Variants in PSMA1 observed in about 807,000 individuals in gnomAD.
The protein encoded by PSMA1 is proteasome 20S subunit alpha 1, also known as proteasome subunit alpha type-1.
PSMA1 carries 3 observed loss-of-function variants against 38.4 expected under a neutral mutation model. The observed-to-expected ratio is 0.08, with a 90% CI of 0.04 to 0.20. PSMA1 has a LOEUF of 0.20. PSMA1 is among the 10% of genes least tolerant of loss of function. PSMA1 has a pLI of 1.00. For synonymous variants in PSMA1, 101 were observed against 107.1 expected (o/e 0.94, Z 0.35); for missense variants, 227 against 325.3 (o/e 0.70, Z 2.32).
intron 2 of PSMA1, among the ~76,000 whole-genome samples, chr11:14,572,111 A>G (rs1852150393): frequency 6.6e-6 from 1 of 152,238 alleles, no homozygotes; most frequent in African/African-American, 2.4e-5. Context: ...TCAACGAAAC[A>G]GAAAGTTAAC....
At chr11:14,546,804 G>A (rs1431104283) in intron 2 of PSMA1, among the ~76,000 whole-genome samples, 1 of 152,186 alleles carries the variant, frequency 6.6e-6, no homozygotes, top group Non-Finnish European at 1.5e-5. Flanking sequence ...AATGCCTGGA[G>A]AAGCAGAAAA....
At chr11:14,580,995 C>A (rs1852275474) in intron 2 of PSMA1, among the ~76,000 whole-genome samples, 1 of 152,126 alleles carries the variant, frequency 6.6e-6, no homozygotes, top group Non-Finnish European at 1.5e-5. Flanking sequence ...TAGAAAGTGT[C>A]ATACTGACAC....
intron 2 of PSMA1, among the ~76,000 whole-genome samples, chr11:14,532,473 C>CACAT (rs1851658176): frequency 1.3e-5 from 2 of 152,008 alleles, no homozygotes; most frequent in African/African-American, 2.4e-5. Flanking sequence ...GGCGTAGTGG[C>CACAT]ACATGCCTGT....
chr11:14,641,512 G>A (rs1014980663), intron 1 of PSMA1, among the ~76,000 whole-genome samples: 12 of 152,124 alleles, frequency 7.9e-5, no homozygotes, highest in Admixed American at 2.6e-4. Flanking sequence ...CTTTGGTCAC[G>A]TCCTTACACT....
chr11:14,590,967 G>A (rs1282184878), intron 2 of PSMA1, among the ~76,000 whole-genome samples: 1 of 152,250 alleles, frequency 6.6e-6, no homozygotes, highest in Non-Finnish European at 1.5e-5. Context: ...CCACTTTAGC[G>A]GCACTTGAGG....
At chr11:14,518,105 C>CA in intron 2 of PSMA1, 124 bp from the exon 3 acceptor site, 5 of 529,096 alleles carry the variant, frequency 9.5e-6, no homozygotes, top group African/African-American at 2.1e-5. Context: ...ATCAAGAGAC[C>CA]TTTTTTTTTT....
intron 2 of PSMA1, among the ~76,000 whole-genome samples, chr11:14,529,118 T>C (rs1373888622): frequency 7.1e-6 from 1 of 139,864 alleles, no homozygotes; most frequent in African/African-American, 2.7e-5. Context: ...AAAGACCCTG[T>C]CTCAAAAAAA....
intron 2 of PSMA1, among the ~76,000 whole-genome samples, chr11:14,550,492 T>G (rs1016380703): frequency 5.3e-5 from 8 of 152,172 alleles, no homozygotes; most frequent in African/African-American, 1.9e-4. Flanking sequence ...TAAAGCCAGT[T>G]GCCTGGTATT....
chr11:14,630,526 T>C (rs1017381093), intron 1 of PSMA1, among the ~76,000 whole-genome samples: 1 of 152,108 alleles, frequency 6.6e-6, no homozygotes, highest in African/African-American at 2.4e-5. Context: ...CACTTGGTCA[T>C]GGTGGATAAG....
At chr11:14,541,463 GAGAT>G (rs1453967788) in intron 2 of PSMA1, among the ~76,000 whole-genome samples, 2 of 152,238 alleles carry the variant, frequency 1.3e-5, no homozygotes, top group African/African-American at 4.8e-5. Flanking sequence ...GCCCAGGAAA[GAGAT>G]AGAGATTGGC....
At chr11:14,549,583 C>A (rs1316018571) in intron 2 of PSMA1, among the ~76,000 whole-genome samples, 1 of 151,926 alleles carries the variant, frequency 6.6e-6, no homozygotes, top group Non-Finnish European at 1.5e-5. Flanking sequence ...CCCCTGTAGT[C>A]CCAGCTACTT....
chr11:14,538,925 A>G (rs1708164581), intron 2 of PSMA1, among the ~76,000 whole-genome samples: 2 of 152,250 alleles, frequency 1.3e-5, no homozygotes, highest in Admixed American at 6.5e-5. Flanking sequence ...TTAGCAAACA[A>G]GAATATGTAA....
upstream of PSMA1, among the ~76,000 whole-genome samples, chr11:14,524,775 C>T (rs577779149): frequency 3.3e-5 from 5 of 152,176 alleles, no homozygotes; most frequent in Non-Finnish European, 7.3e-5. Context: ...AAGAGATCCA[C>T]CTATGACCTC....
At chr11:14,612,304 G>A (rs918298479) in intron 1 of PSMA1, among the ~76,000 whole-genome samples, 1 of 152,168 alleles carries the variant, frequency 6.6e-6, no homozygotes, top group Non-Finnish European at 1.5e-5. Context: ...TAAATATTAT[G>A]TAGTGTAACA....
At chr11:14,585,469 A>G (rs1035164023) in intron 2 of PSMA1, among the ~76,000 whole-genome samples, 2 of 152,252 alleles carry the variant, frequency 1.3e-5, no homozygotes, top group Admixed American at 1.3e-4. Flanking sequence ...GTCATTGCCA[A>G]ATTAAAAGTT....
chr11:14,586,164 G>A (rs965753805), intron 2 of PSMA1, among the ~76,000 whole-genome samples: 1 of 152,146 alleles, frequency 6.6e-6, no homozygotes, highest in Non-Finnish European at 1.5e-5. Context: ...AGGTGTGGTG[G>A]CTCACACCGG....
At chr11:14,599,106 C>T (rs1179624058) in intron 2 of PSMA1, among the ~76,000 whole-genome samples, 4 of 152,170 alleles carry the variant, frequency 2.6e-5, no homozygotes, top group African/African-American at 4.8e-5. Context: ...CTGAGAGATC[C>T]GCTGTTAGTC....
intron 2 of PSMA1, among the ~76,000 whole-genome samples, chr11:14,525,491 C>T (rs1321559889): frequency 6.6e-6 from 1 of 152,178 alleles, no homozygotes; most frequent in Non-Finnish European, 1.5e-5. Flanking sequence ...AGCCTGTTAT[C>T]AGTTGCCTGT....
intron 2 of PSMA1, among the ~76,000 whole-genome samples, chr11:14,541,614 CCCCCA>C (rs1851773854): frequency 6.6e-6 from 1 of 152,216 alleles, no homozygotes; most frequent in African/African-American, 2.4e-5. Flanking sequence ...ACACTCTTTT[CCCCCA>C]CATTCTTGAT....
Sources: allele counts gnomAD v4.1 joint callset (sites outside exome capture counted in the v4.1 genomes callset), GRCh38; gene constraint gnomAD v4.1.1; transcripts MANE v1.5; gene names NCBI Gene and HGNC (gene_info 2026-07-23, HGNC 2026-07-21).